The following SNX29 variants were observed in gnomAD, a reference collection of about 807,000 sequenced individuals.
SNX29 encodes the protein sorting nexin-29.
A neutral mutation model predicts 102.1 loss-of-function variants in SNX29; 78 were observed. The ratio of observed to expected loss-of-function variants is 0.76; its 90% confidence interval spans 0.64 to 0.92. SNX29 has a LOEUF of 0.92. SNX29 is among the 40% of genes least tolerant of loss of function. SNX29 has a pLI of 0.00. For synonymous variants in SNX29, 580 were observed against 414.5 expected (o/e 1.40, Z -4.85); for missense variants, 1,280 against 1,061.7 (o/e 1.21, Z -2.86).
chr16:12,486,614 C>T (rs1269379927), intron 19 of SNX29, among the ~76,000 whole-genome samples: 1 of 152,248 alleles, frequency 6.6e-6, no homozygotes, highest in East Asian at 1.9e-4. Context: ...GCCTATCCCA[C>T]AAGAAGGTCG....
intron 15 of SNX29, among the ~76,000 whole-genome samples, chr16:12,300,706 C>T (rs745603448): frequency 5.3e-5 from 8 of 152,268 alleles, no homozygotes; most frequent in East Asian, 1.9e-4. Context: ...CTCCAGCGGC[C>T]GTCGTGACAT....
Position 12,300,948 on chromosome 16 carries a change from G to T in SNX29, c.1782+22912G>T, listed in dbSNP as rs1257819063. 2.0e-5 allele frequency among the ~76,000 whole-genome samples: 3 copies of T among 152,190 alleles called. No homozygotes were observed. In the East Asian group the frequency reaches 5.8e-4, roughly 29 times the overall value. ...CTTGGAAGCAAAAATACCCTCCTTT[G>T]AGGACCACTGGTTTAAAGGCATCTC... On this transcript the variant is annotated intron_variant, in intron 15 of 20. Transcript: ENST00000566228.
intron 16 of SNX29, among the ~76,000 whole-genome samples, chr16:12,377,267 A>G (rs999843434): frequency 1.3e-5 from 2 of 152,166 alleles, no homozygotes; most frequent in African/African-American, 4.8e-5. Context: ...AATGTCCTGA[A>G]CAGAAAACAC....
intron 9 of SNX29, among the ~76,000 whole-genome samples, chr16:12,068,610 T>A (rs1212522187): frequency 6.6e-6 from 1 of 152,048 alleles, no homozygotes; most frequent in East Asian, 1.9e-4. Context: ...AATGGCACGA[T>A]CTCGGCTCAC....
intron 1 of SNX29, among the ~76,000 whole-genome samples, chr16:11,997,190 C>G (rs1011906321): frequency 2.0e-5 from 3 of 152,176 alleles, no homozygotes; most frequent in Non-Finnish European, 4.4e-5. Context: ...TTTGCTCAAG[C>G]CACAGCAAAC....
Position 12,126,689 on chromosome 16 carries a change from G to C in SNX29, c.1459G>C (p.Glu487Gln). The change falls in exon 12 of 21, where the codon GAG becomes CAG. Residue 487 changes from glutamate to glutamine, a missense_variant. Coordinates refer to ENST00000566228, the MANE Select transcript of SNX29 (RefSeq NM_032167.5). ...GAACAGGAAGGATGAGCTGGAGGAG[G>C]AGAACAGGTACCGTGATTTTCAGGC... ...MMNRKDELEEENRSLRNLLDG... is the reference protein window; with the variant it reads ...MMNRKDELEEQNRSLRNLLDG... The C allele has an allele frequency of 6.2e-7, 1 of 1,614,002 alleles. No homozygotes were observed. The highest frequency in any genetic ancestry group is 8.5e-7 in the Non-Finnish European group (1 of 1,179,882).
intron 15 of SNX29, among the ~76,000 whole-genome samples, chr16:12,312,832 C>G (rs2080604380): frequency 1.3e-5 from 2 of 152,080 alleles, no homozygotes; most frequent in African/African-American, 4.8e-5. Context: ...AGTTCACACT[C>G]AGACATTCCT....
chr16:12,106,028 G>A (rs76567294), intron 11 of SNX29, among the ~76,000 whole-genome samples: 2 of 152,296 alleles, frequency 1.3e-5, no homozygotes, highest in South Asian at 2.1e-4. Context: ...CCTCTGGAGG[G>A]ACAGAGCCAA....
At chr16:12,029,552 A>G (rs1233540272) in intron 4 of SNX29, 1 of 452,738 alleles carries the variant, frequency 2.2e-6, no homozygotes, top group South Asian at 1.6e-5. Flanking sequence ...CACTGCCGTT[A>G]TTGGCGTTTG....
Position 12,539,222 on chromosome 16 carries a change from T to G in SNX29, c.2318+14381T>G, listed in dbSNP as rs112160258. Among the ~76,000 whole-genome samples the G allele has an allele frequency of 5.9e-5, 9 of 152,320 alleles. No homozygotes were observed. The East Asian group carries it at 1.7e-3, about 29-fold the overall frequency. On this transcript the variant is annotated intron_variant, in intron 20 of 20. Transcript: ENST00000566228. The stretch of plus-strand genomic sequence containing the variant: ...AGTAACCACCATCACCGTCAAGATA[T>G]AGACCAGTTCCTTCACCCTAAAAAG...
intron 19 of SNX29, among the ~76,000 whole-genome samples, chr16:12,481,543 C>G (rs977626032): frequency 6.6e-6 from 1 of 150,430 alleles, no homozygotes; most frequent in African/African-American, 2.4e-5. Flanking sequence ...CACACACACA[C>G]ACACACACAC....
intron 20 of SNX29, among the ~76,000 whole-genome samples, chr16:12,548,472 G>A (rs982701230): frequency 6.6e-6 from 1 of 152,188 alleles, no homozygotes; most frequent in South Asian, 2.1e-4. Flanking sequence ...GACAGCACCG[G>A]GCTTTCAGGA....
At chr16:12,458,137 C>T (rs2086618140) in intron 18 of SNX29, among the ~76,000 whole-genome samples, 1 of 152,214 alleles carries the variant, frequency 6.6e-6, no homozygotes, top group African/African-American at 2.4e-5. Flanking sequence ...GCCTTAACAG[C>T]TTCACCTTGG....
chr16:12,571,781 G>T lies in SNX29; in HGVS notation c.*3152G>T, dbSNP rs76433792. The T allele has an allele frequency of 8.9e-6, 9 of 1,009,104 alleles. No individual in the cohort carries two copies. The highest frequency in any genetic ancestry group is 5.4e-5 in the Admixed American group (1 of 18,530). 62.5% of individuals were successfully genotyped at this position (1,009,104 alleles called of 1,614,324 possible). A position where few individuals can be genotyped will look rare whatever the true frequency, so the allele number is the denominator to read the frequency against. On this transcript the variant is annotated 3_prime_UTR_variant, in exon 21 of 21. Coordinates refer to ENST00000566228, the MANE Select transcript of SNX29 (RefSeq NM_032167.5). ...CCTGATCTGAGACAGAACCTTCTCC[G>T]CCACTCTTCCTGCAATCAGTGTGAA...
chr16:12,523,902 G>C (rs1205521242), intron 19 of SNX29, among the ~76,000 whole-genome samples: 1 of 152,120 alleles, frequency 6.6e-6, no homozygotes, highest in Admixed American at 6.5e-5. Flanking sequence ...TTGTGTGTGT[G>C]TGAGATGGAG....
In SNX29 at chr16:12,048,432, A is replaced by G. The variant is rs368053179; in HGVS notation, c.560A>G (p.Lys187Arg). Reference protein sequence around the residue: ...IDNKDLNGQSKFAPTVSDLLK... With the variant: ...IDNKDLNGQSRFAPTVSDLLK... ...AACAAGGATTTGAACGGGCAGAGTAAGTTTGCTCCCACCGTTTCAGACCTC... is the reference window on the plus strand; with the variant it reads ...AACAAGGATTTGAACGGGCAGAGTAGGTTTGCTCCCACCGTTTCAGACCTC... Residue 187 changes from lysine to arginine, a missense_variant, in exon 7 of 21, where the codon AAG becomes AGG. Coordinates refer to ENST00000566228, the MANE Select transcript of SNX29 (RefSeq NM_032167.5). 4.3e-6 allele frequency: 7 copies of G among 1,613,746 alleles called. No individual in the cohort carries two copies. Among genetic ancestry groups the G allele is most frequent in the Non-Finnish European group, 5.9e-6 (7 of 1,179,866 alleles).
chr16:12,536,324 T>G lies in SNX29; in HGVS notation c.2318+11483T>G, dbSNP rs868403741. ...CTGGGAAGACAGGTTGAGAAATTAC[T>G]AATGCAGCAGGAAACAAGCCGTACT... On this transcript the variant is annotated intron_variant, in intron 20 of 20. Coordinates refer to ENST00000566228, the MANE Select transcript of SNX29 (RefSeq NM_032167.5). Among the ~76,000 whole-genome samples the G allele has an allele frequency of 4.6e-5, 7 of 152,278 alleles. No individual in the cohort carries two copies. The Middle Eastern group carries it at 0.01, about 222-fold the overall frequency.
rs779486709 is a variant in SNX29, at chr16:12,027,443, A to G, written c.246A>G (p.Thr82=). The change falls in exon 4 of 21, where the codon ACA becomes ACG. Residue 82 remains threonine (T), a splice_region_variant and synonymous_variant. Transcript: ENST00000566228. ...QAAGFASKTE[T]EPVFWYYVKE... is the part of the protein sequence containing the mutation. Reference sequence around the variant, plus strand: ...CGGGCTTTGCCAGCAAAACCGAAACAGGTACTGCTCTGCCTGGCTGTAGCT... The same window carrying G: ...CGGGCTTTGCCAGCAAAACCGAAACGGGTACTGCTCTGCCTGGCTGTAGCT... 2 of 1,613,780 alleles carry G rather than the reference A, an allele frequency of 1.2e-6. No individual in the cohort carries two copies. Among genetic ancestry groups the G allele is most frequent in the Admixed American group, 3.3e-5 (2 of 60,012 alleles).
At chr16:12,550,088 A>G (rs1007924612) in intron 20 of SNX29, among the ~76,000 whole-genome samples, 6 of 152,224 alleles carry the variant, frequency 3.9e-5, no homozygotes, top group South Asian at 2.1e-4. Context: ...AAGTTTGCCA[A>G]CCTATGGGCT....
Sources: allele counts gnomAD v4.1 joint callset (sites outside exome capture counted in the v4.1 genomes callset), GRCh38; gene constraint gnomAD v4.1.1; transcripts MANE v1.5; gene names NCBI Gene and HGNC (gene_info 2026-07-23, HGNC 2026-07-21).